MRPL1: variants seen among roughly 807,000 people sequenced by gnomAD.
MRPL1 encodes the protein large ribosomal subunit protein uL1m.
In MRPL1, 28 loss-of-function variants were observed where a neutral mutation model predicts 38.0. That is an observed-to-expected ratio of 0.74 (90% CI 0.55 to 1.01). The LOEUF (loss-of-function observed/expected upper bound fraction) is 1.01. Ranked by LOEUF, MRPL1 falls within the 50% of genes least tolerant of loss-of-function variation. The pLI, the probability that MRPL1 is intolerant of heterozygous loss-of-function variation, is 0.00. For missense variants in MRPL1, 358 were observed against 389.8 expected, an observed-to-expected ratio of 0.92 and a Z score of 0.69; for synonymous variants, 123 against 126.7, an observed-to-expected ratio of 0.97 and a Z score of 0.20.
At chr4:77,908,261 C>A in intron 6 of MRPL1, 1 of 153,214 alleles carries the variant, frequency 6.5e-6, no homozygotes, top group South Asian at 1.6e-4. Flanking sequence ...TTTTGACAGT[C>A]TCACTCTGCT....
intron 7 of MRPL1, among the ~76,000 whole-genome samples, chr4:77,938,282 A>T (rs1474603509): frequency 2.0e-5 from 3 of 152,248 alleles, no homozygotes; most frequent in African/African-American, 4.8e-5. Flanking sequence ...TACCATTTAC[A>T]AAGAAAGTAT....
At chr4:77,889,652 A>G (rs1045456408) in intron 5 of MRPL1, among the ~76,000 whole-genome samples, 2 of 152,196 alleles carry the variant, frequency 1.3e-5, no homozygotes, top group African/African-American at 4.8e-5. Context: ...TGAAGGAGAT[A>G]GAGATACAAA....
At chr4:77,941,280 AAG>A (rs1491299043) in intron 7 of MRPL1, among the ~76,000 whole-genome samples, 1 of 151,860 alleles carries the variant, frequency 6.6e-6, no homozygotes, top group Non-Finnish European at 1.5e-5. Flanking sequence ...AAAAAAAAAA[AAG>A]AGGATTTTTG....
intron 2 of MRPL1, among the ~76,000 whole-genome samples, chr4:77,872,732 A>G (rs1735311139): frequency 6.6e-6 from 1 of 152,148 alleles, no homozygotes. Flanking sequence ...GTGTGGGGGC[A>G]GGCACCTGTA....
At chr4:77,937,649 T>G (rs1325764561) in intron 7 of MRPL1, among the ~76,000 whole-genome samples, 1 of 152,216 alleles carries the variant, frequency 6.6e-6, no homozygotes, top group Non-Finnish European at 1.5e-5. Flanking sequence ...TCACTTGGCT[T>G]CTGCTGCCTC....
At position 77,888,230 on chromosome 4, in the gene MRPL1, C is replaced by T. The variant is rs191793847; in HGVS notation, c.558+939C>T. Among the ~76,000 whole-genome samples, 11 of 152,240 alleles carry T rather than the reference C, an allele frequency of 7.2e-5. 2 individuals carry two copies. In the East Asian group the frequency reaches 1.2e-3, roughly 16 times the overall value. ...TAGAAGGTAACAGAGCTTCGCTGGA[C>T]GCAGTGGCTCATGCCTGTAATCTCA... is the stretch of plus-strand genomic sequence containing the variant. On this transcript the variant is annotated intron_variant, in intron 5 of 8. Transcript: ENST00000315567.
In MRPL1 at chr4:77,898,496, AT is replaced by A. The variant is rs373219093; in HGVS notation, c.670+4259del. Among the ~76,000 whole-genome samples, 54 of 146,248 alleles carry A rather than the reference AT, an allele frequency of 3.7e-4. 1 individual carries two copies. The highest frequency in any genetic ancestry group is 3.5e-3 in the Middle Eastern group (1 of 286). Reference sequence around the variant, plus strand: ...CTGTAACTTAAAAATGGAGTATACAATTTTTTTTTTTTTGAGACGGAGTTTT... The same window carrying A: ...CTGTAACTTAAAAATGGAGTATACAATTTTTTTTTTTTGAGACGGAGTTTT... On this transcript the variant is annotated intron_variant, in intron 6 of 8. Coordinates refer to ENST00000315567, the MANE Select transcript of MRPL1 (RefSeq NM_020236.4).
chr4:77,950,605 T>G (rs1737386767), intron 8 of MRPL1, among the ~76,000 whole-genome samples: 1 of 152,206 alleles, frequency 6.6e-6, no homozygotes, highest in African/African-American at 2.4e-5. Flanking sequence ...TTAAGCTATT[T>G]TTTACCTTCT....
chr4:77,885,600 T>C (rs1578042415), intron 4 of MRPL1, among the ~76,000 whole-genome samples: 1 of 152,050 alleles, frequency 6.6e-6, no homozygotes, highest in Non-Finnish European at 1.5e-5. Context: ...CTCTTGACCT[T>C]GTGATCCGCC....
chr4:77,868,205 G>T (rs1735199532), intron 1 of MRPL1, among the ~76,000 whole-genome samples: 1 of 151,928 alleles, frequency 6.6e-6, no homozygotes, highest in Non-Finnish European at 1.5e-5. Context: ...TGGGACTACA[G>T]GCACGTGTCA....
chr4:77,952,049 T>A (rs1179709510), intron 8 of MRPL1, among the ~76,000 whole-genome samples: 1 of 152,174 alleles, frequency 6.6e-6, no homozygotes, highest in Non-Finnish European at 1.5e-5. Flanking sequence ...GAGGCAACCA[T>A]ATTTGTTAGT....
intron 7 of MRPL1, among the ~76,000 whole-genome samples, chr4:77,928,187 G>A (rs1736761068): frequency 6.6e-6 from 1 of 152,194 alleles, no homozygotes; most frequent in African/African-American, 2.4e-5. Flanking sequence ...TTCAGGACAA[G>A]GGACTATAAA....
chr4:77,910,511 C>T lies in MRPL1; in HGVS notation c.777+1139C>T, dbSNP rs537009190. On this transcript the variant is annotated intron_variant, in intron 7 of 8. Transcript: ENST00000315567. ...AAAATTAGTTGAGTGTGGTGGCATG[C>T]ACCTGTAGTCTAGCTACTTGGGAGG... 2.6e-5 allele frequency among the ~76,000 whole-genome samples: 4 copies of T among 152,262 alleles called. No individual in the cohort carries two copies. The South Asian group carries it at 6.2e-4, about 24-fold the overall frequency.
chr4:77,922,100 A>G (rs1736594262), intron 7 of MRPL1, among the ~76,000 whole-genome samples: 1 of 152,222 alleles, frequency 6.6e-6, no homozygotes, highest in Non-Finnish European at 1.5e-5. Context: ...GGTAGAAAAT[A>G]AGTAAAAAAA....
rs182598889 is a variant in MRPL1 at position 77,885,552 on chromosome 4, A to G, written c.486+213A>G. 6.9e-3 allele frequency among the ~76,000 whole-genome samples: 1,043 copies of G among 152,180 alleles called. 13 individuals are homozygous for G. Among genetic ancestry groups the G allele is most frequent in the African/African-American group, 0.024 (1,011 of 41,514 alleles). ...CAGCTAATTTTTGTATTTTTAGTAG[A>G]GACAGGTTTTCACCATGTTGGCCGG... On this transcript the variant is annotated intron_variant, in intron 4 of 8. Coordinates refer to ENST00000315567, the MANE Select transcript of MRPL1 (RefSeq NM_020236.4).
At chr4:77,871,895 T>C (rs1304209488) in intron 2 of MRPL1, 40 bp downstream of exon 2, 2 of 1,296,068 alleles carry the variant, frequency 1.5e-6, no homozygotes, top group African/African-American at 1.5e-5. Context: ...TTTGTTGTCA[T>C]TTTAATTTTT....
chr4:77,934,778 CCCATATGA>C (rs1201699246), intron 7 of MRPL1, among the ~76,000 whole-genome samples: 1 of 152,128 alleles, frequency 6.6e-6, no homozygotes, highest in African/African-American at 2.4e-5. Context: ...GTACAAGCAG[CCCATATGA>C]CAATTAACAG....
intron 7 of MRPL1, among the ~76,000 whole-genome samples, chr4:77,929,630 T>A (rs536510940): frequency 3.6e-4 from 55 of 152,218 alleles, no homozygotes; most frequent in South Asian, 2.1e-3. Flanking sequence ...GCATAGCTTA[T>A]ACCACAGCTT....
At chr4:77,936,098 AATC>A (rs1265702402) in intron 7 of MRPL1, among the ~76,000 whole-genome samples, 2 of 152,142 alleles carry the variant, frequency 1.3e-5, no homozygotes, top group African/African-American at 4.8e-5. Context: ...AGAATACAAA[AATC>A]ATTCAGAATT....
Sources: gnomAD v4.1 joint callset for allele counts (sites outside exome capture counted in the v4.1 genomes callset) on GRCh38, gnomAD v4.1.1 for gene constraint, MANE v1.5 for transcripts, NCBI Gene and HGNC (gene_info 2026-07-23, HGNC 2026-07-21) for gene names.